The following MGMT variants were observed in gnomAD, a reference collection of about 807,000 sequenced individuals.
MGMT encodes the protein methylated-DNA--protein-cysteine methyltransferase.
Under a neutral mutation model 15.9 loss-of-function variants are expected in MGMT, and 14 were observed. The observed-to-expected ratio is 0.88, with a 90% confidence interval of 0.58 to 1.37. MGMT has a LOEUF of 1.37. Among genes scored for constraint, MGMT ranks in the 40% most tolerant of loss-of-function variants. The pLI is 0.00. For synonymous variants in MGMT, 130 were observed against 118.2 expected, an observed-to-expected ratio of 1.10 and a Z score of -0.65; for missense variants, 282 against 268.1, an observed-to-expected ratio of 1.05 and a Z score of -0.36.
At chr10:129,565,228 T>G (rs1846340554) in intron 2 of MGMT, among the ~76,000 whole-genome samples, 1 of 152,064 alleles carries the variant, frequency 6.6e-6, no homozygotes, top group African/African-American at 2.4e-5. Flanking sequence ...GTAGTGTCAT[T>G]TCCTCGTACA....
intron 3 of MGMT, among the ~76,000 whole-genome samples, chr10:129,724,495 A>G (rs1022165296): frequency 7.2e-5 from 11 of 152,234 alleles, no homozygotes; most frequent in African/African-American, 2.7e-4. Context: ...TGTGTTTGTC[A>G]GAATTCATCA....
intron 2 of MGMT, among the ~76,000 whole-genome samples, chr10:129,594,400 T>A (rs941276668): frequency 1.3e-5 from 2 of 152,206 alleles, no homozygotes; most frequent in Admixed American, 1.3e-4. Context: ...TAAAGATTTT[T>A]AAAAAATCAG....
At chr10:129,647,322 A>C (rs766211770) in intron 2 of MGMT, among the ~76,000 whole-genome samples, 1 of 152,086 alleles carries the variant, frequency 6.6e-6, no homozygotes, top group African/African-American at 2.4e-5. Context: ...TCAAGTGTGT[A>C]GTTTACCACG....
chr10:129,582,796 C>A (rs1376890441), intron 2 of MGMT, among the ~76,000 whole-genome samples: 1 of 152,158 alleles, frequency 6.6e-6, no homozygotes, highest in Non-Finnish European at 1.5e-5. Context: ...GAGGATTGCC[C>A]TGTGCCCGCC....
intron 2 of MGMT, among the ~76,000 whole-genome samples, chr10:129,603,297 A>G (rs974596171): frequency 6.6e-6 from 1 of 152,216 alleles, no homozygotes; most frequent in Non-Finnish European, 1.5e-5. Context: ...CTCTGATAGC[A>G]TGAAAATGTA....
intron 2 of MGMT, among the ~76,000 whole-genome samples, chr10:129,570,881 A>G (rs1315977546): frequency 2.0e-5 from 3 of 152,222 alleles, no homozygotes; most frequent in African/African-American, 7.2e-5. Flanking sequence ...AGAACAGAAC[A>G]TGGAGGCAGT....
At chr10:129,488,004 TACACACACACACACAC>T (rs373298935) in intron 1 of MGMT, among the ~76,000 whole-genome samples, 3 of 121,428 alleles carry the variant, frequency 2.5e-5, no homozygotes, top group Non-Finnish European at 5.0e-5. Flanking sequence ...CACATAGGTA[TACACACACACACACAC>T]ACACACACAC....
At chr10:129,739,885 C>T (rs1299391986) in intron 3 of MGMT, among the ~76,000 whole-genome samples, 1 of 151,926 alleles carries the variant, frequency 6.6e-6, no homozygotes, top group Non-Finnish European at 1.5e-5. Flanking sequence ...GACACCCCTG[C>T]CCTACACCTT....
chr10:129,555,987 C>T (rs149844832), intron 2 of MGMT, among the ~76,000 whole-genome samples: 8 of 152,264 alleles, frequency 5.3e-5, no homozygotes, highest in African/African-American at 1.9e-4. Context: ...GGGGCACCCT[C>T]CAGGGAGCTG....
chr10:129,758,025 T>G (rs1848827118), intron 3 of MGMT, among the ~76,000 whole-genome samples: 1 of 152,250 alleles, frequency 6.6e-6, no homozygotes. Context: ...TGTAAATTAA[T>G]GAACAACAAA....
chr10:129,702,298 G>T (rs1431974160), intron 2 of MGMT, among the ~76,000 whole-genome samples: 3 of 152,186 alleles, frequency 2.0e-5, no homozygotes, highest in Middle Eastern at 3.2e-3. Flanking sequence ...GTGTTAAGGT[G>T]CCCGACGCCC....
At chr10:129,620,071 G>A (rs1355433366) in intron 2 of MGMT, among the ~76,000 whole-genome samples, 1 of 152,198 alleles carries the variant, frequency 6.6e-6, no homozygotes, top group Admixed American at 6.5e-5. Flanking sequence ...GTCTTTGGAG[G>A]ACAGAGACAT....
intron 2 of MGMT, among the ~76,000 whole-genome samples, chr10:129,635,315 T>C (rs1268898599): frequency 6.6e-6 from 1 of 152,210 alleles, no homozygotes; most frequent in African/African-American, 2.4e-5. Context: ...AGTTCTGTCC[T>C]GCAAACTCTG....
intron 2 of MGMT, among the ~76,000 whole-genome samples, chr10:129,695,018 C>A (rs1039786859): frequency 3.9e-5 from 6 of 152,144 alleles, no homozygotes; most frequent in African/African-American, 1.4e-4. Flanking sequence ...TTTTATTACT[C>A]TATATCCTTG....
intron 2 of MGMT, among the ~76,000 whole-genome samples, chr10:129,565,626 C>A (rs1451831005): frequency 6.6e-6 from 1 of 152,142 alleles, no homozygotes. Context: ...TGTGTACATG[C>A]GCACCTGTAA....
chr10:129,628,740 T>C (rs1424651718), intron 2 of MGMT, among the ~76,000 whole-genome samples: 1 of 152,210 alleles, frequency 6.6e-6, no homozygotes, highest in Non-Finnish European at 1.5e-5. Context: ...GCTGGGAGCG[T>C]TGGCTGGAAT....
At chr10:129,639,838 A>T (rs1359776165) in intron 2 of MGMT, among the ~76,000 whole-genome samples, 1 of 152,184 alleles carries the variant, frequency 6.6e-6, no homozygotes, top group Non-Finnish European at 1.5e-5. Flanking sequence ...ATAAAAACAA[A>T]GATGAATAAA....
intron 2 of MGMT, among the ~76,000 whole-genome samples, chr10:129,658,383 C>T (rs1210907021): frequency 1.3e-5 from 2 of 152,156 alleles, no homozygotes; most frequent in Admixed American, 6.5e-5. Context: ...GAGAGCAACA[C>T]CAAAATGCTG....
chr10:129,679,583 A>C (rs183017000), intron 2 of MGMT, among the ~76,000 whole-genome samples: 3 of 152,240 alleles, frequency 2.0e-5, no homozygotes, highest in Admixed American at 2.0e-4. Context: ...AAGTAATAGG[A>C]TATCCTTTAG....
Sources: allele counts gnomAD v4.1 joint callset (sites outside exome capture counted in the v4.1 genomes callset), GRCh38; gene constraint gnomAD v4.1.1; transcripts MANE v1.5; gene names NCBI Gene and HGNC (gene_info 2026-07-23, HGNC 2026-07-21).